SPEF2: variants seen among roughly 807,000 people sequenced by gnomAD.
SPEF2 encodes the protein sperm flagellar and cilia associated 2.
SPEF2 carries 187 observed loss-of-function variants against 224.6 expected under a neutral mutation model. The ratio of observed to expected loss-of-function variants is 0.83; its 90% confidence interval spans 0.74 to 0.94. The LOEUF (loss-of-function observed/expected upper bound fraction) is 0.94. SPEF2 is among the 40% of genes least tolerant of loss of function. The pLI is 0.00. For synonymous variants in SPEF2, 715 were observed against 707.3 expected (o/e 1.01, Z -0.17); for missense variants, 2,170 against 2,135.6 (o/e 1.02, Z -0.32).
intron 8 of SPEF2, among the ~76,000 whole-genome samples, chr5:35,663,380 A>T (rs1332439479): frequency 6.6e-6 from 1 of 152,170 alleles, no homozygotes; most frequent in Non-Finnish European, 1.5e-5. Context: ...TTCAAATTCA[A>T]CATGTTCCAA....
intron 26 of SPEF2, among the ~76,000 whole-genome samples, chr5:35,769,831 T>G (rs1301278556): frequency 6.6e-6 from 1 of 152,150 alleles, no homozygotes; most frequent in Non-Finnish European, 1.5e-5. Context: ...TTATTCATTT[T>G]TCTATTCACC....
intron 10 of SPEF2, among the ~76,000 whole-genome samples, chr5:35,676,557 C>T (rs1409153931): frequency 2.6e-5 from 4 of 151,940 alleles, no homozygotes; most frequent in Non-Finnish European, 4.4e-5. Context: ...GGTGAAACCC[C>T]GTCTCTCCTA....
chr5:35,795,647 G>A, intron 32 of SPEF2, 56 bp from the exon 33 acceptor site: 1 of 1,511,562 alleles, frequency 6.6e-7, no homozygotes, highest in African/African-American at 1.4e-5. Flanking sequence ...GGCTTTTAGA[G>A]GAACATCTCA....
At chr5:35,652,029 A>C (rs1748261098) in intron 6 of SPEF2, among the ~76,000 whole-genome samples, 1 of 152,212 alleles carries the variant, frequency 6.6e-6, no homozygotes, top group Non-Finnish European at 1.5e-5. Flanking sequence ...CCCAGCAACT[A>C]CTTCTTAAGA....
intron 25 of SPEF2, among the ~76,000 whole-genome samples, chr5:35,763,099 G>A (rs1006877844): frequency 3.9e-5 from 6 of 152,268 alleles, no homozygotes; most frequent in African/African-American, 1.4e-4. Context: ...TGCCCTCCGG[G>A]ATGCCAGATG....
chr5:35,763,282 CT>C (rs1751595276), intron 25 of SPEF2, among the ~76,000 whole-genome samples: 1 of 151,988 alleles, frequency 6.6e-6, no homozygotes, highest in Admixed American at 6.6e-5. Context: ...AGAATTAAGT[CT>C]GAAAATTATG....
At chr5:35,792,663 A>AT (rs1186733842) in intron 31 of SPEF2, among the ~76,000 whole-genome samples, 1 of 152,256 alleles carries the variant, frequency 6.6e-6, no homozygotes, top group Non-Finnish European at 1.5e-5. Context: ...TCAGTGAAAT[A>AT]TTATAGAGAC....
chr5:35,653,197 A>G (rs1748446225), intron 6 of SPEF2, among the ~76,000 whole-genome samples: 1 of 152,222 alleles, frequency 6.6e-6, no homozygotes, highest in Non-Finnish European at 1.5e-5. Flanking sequence ...TGGGAAGACC[A>G]CTGGGTTCTT....
chr5:35,811,660 A>G (rs1268636129), intron 36 of SPEF2, among the ~76,000 whole-genome samples: 1 of 151,702 alleles, frequency 6.6e-6, no homozygotes, highest in African/African-American at 2.4e-5. Context: ...TAATACATAT[A>G]AAGTGTTTAA....
intron 2 of SPEF2, among the ~76,000 whole-genome samples, chr5:35,636,387 T>C (rs1006244346): frequency 2.0e-5 from 3 of 152,142 alleles, no homozygotes; most frequent in African/African-American, 7.2e-5. Context: ...AGGTGAGAGA[T>C]TTGGACCTCC....
rs1417856826 is a variant in SPEF2, at chr5:35,748,389, A to C, written c.3331-5235A>C. Among the ~76,000 whole-genome samples, 3 of 152,144 alleles carry C rather than the reference A, an allele frequency of 2.0e-5. No homozygotes were observed. The East Asian group carries it at 5.8e-4, about 29-fold the overall frequency. On this transcript the variant is annotated intron_variant, in intron 23 of 36. Coordinates refer to ENST00000356031, the MANE Select transcript of SPEF2 (RefSeq NM_024867.4). ...AATACAAAAGACAAATGAATCAAAAAGCTGGTTCTTTGAAAATAAAATTGA... is the reference window on the plus strand; with the variant it reads ...AATACAAAAGACAAATGAATCAAAACGCTGGTTCTTTGAAAATAAAATTGA...
intron 20 of SPEF2, among the ~76,000 whole-genome samples, chr5:35,723,961 C>G (rs1198352800): frequency 6.6e-6 from 1 of 152,160 alleles, no homozygotes; most frequent in Non-Finnish European, 1.5e-5. Context: ...GAAATTCAAC[C>G]ATAGTCTTCT....
intron 32 of SPEF2, among the ~76,000 whole-genome samples, chr5:35,794,972 C>T (rs1756463885): frequency 6.6e-6 from 1 of 152,096 alleles, no homozygotes; most frequent in South Asian, 2.1e-4. Flanking sequence ...GCCTGCATGC[C>T]TTTCACAGAT....
At position 35,643,094 on chromosome 5, in the gene SPEF2, G is replaced by C. The variant is rs916403761; in HGVS notation, c.415-1261G>C. 7.9e-5 allele frequency among the ~76,000 whole-genome samples: 12 copies of C among 152,190 alleles called. No homozygotes were observed. In the East Asian group the frequency reaches 2.1e-3, roughly 27 times the overall value. On this transcript the variant is annotated intron_variant, in intron 3 of 36. Transcript: ENST00000356031. ...TTCAAGAAAAAGAGTGGACTAACTG[G>C]AGTGGAGTTTATATATAATAAAATG...
chr5:35,629,728 A>G (rs1744818639), intron 2 of SPEF2, among the ~76,000 whole-genome samples: 1 of 152,106 alleles, frequency 6.6e-6, no homozygotes. Context: ...TCTGGCACCT[A>G]CTAATCTACT....
At chr5:35,737,468 G>GT (rs772943191) in intron 21 of SPEF2, among the ~76,000 whole-genome samples, 37 of 150,400 alleles carry the variant, frequency 2.5e-4, no homozygotes, top group Non-Finnish European at 4.3e-4. Flanking sequence ...GCAGTGGTTG[G>GT]TTTTTTGTCC....
intron 19 of SPEF2, chr5:35,709,424 C>A: frequency 8.9e-7 from 1 of 1,129,304 alleles, no homozygotes. Context: ...TCAGGCAGAT[C>A]AAGAGGATAC....
intron 30 of SPEF2, chr5:35,790,746 A>G (rs1755836384): frequency 6.3e-6 from 1 of 158,310 alleles, no homozygotes; most frequent in Non-Finnish European, 1.4e-5. Flanking sequence ...TTCCTCAATA[A>G]TTCTAAGTGA....
intron 8 of SPEF2, among the ~76,000 whole-genome samples, chr5:35,662,780 G>T (rs887355591): frequency 7.2e-5 from 11 of 152,006 alleles, no homozygotes; most frequent in African/African-American, 2.7e-4. Flanking sequence ...CTGGTCCATT[G>T]GTCTATGTGT....
Sources: allele counts gnomAD v4.1 joint callset (sites outside exome capture counted in the v4.1 genomes callset), GRCh38; gene constraint gnomAD v4.1.1; transcripts MANE v1.5; gene names NCBI Gene and HGNC (gene_info 2026-07-23, HGNC 2026-07-21).